LYPLAL1: variants seen among roughly 807,000 people sequenced by gnomAD.
LYPLAL1 encodes lysophospholipase-like protein 1.
A neutral mutation model predicts 19.7 loss-of-function variants in LYPLAL1; 23 were observed. The ratio of observed to expected loss-of-function variants is 1.17; its 90% CI spans 0.84 to 1.65. LYPLAL1 has a LOEUF of 1.65. Among genes scored for constraint, LYPLAL1 ranks in the 40% most tolerant of loss-of-function variants. The pLI, the probability that LYPLAL1 is intolerant of heterozygous loss-of-function variation, is 0.00. For missense variants in LYPLAL1, 355 were observed against 279.4 expected, an observed-to-expected ratio of 1.27 and a Z score of -1.93; for synonymous variants, 119 against 96.3, an observed-to-expected ratio of 1.24 and a Z score of -1.38.
At chr1:219,200,037 C>G (rs1018169540) in intron 3 of LYPLAL1, 8 of 231,670 alleles carry the variant, frequency 3.5e-5, no homozygotes, top group African/African-American at 1.8e-4. Context: ...ATCCCCACAC[C>G]ACCTAGTGAG....
chr1:219,241,195 C>G, the LYPLAL1 span, among the ~76,000 whole-genome samples: 12 of 129,044 alleles, frequency 9.3e-5, no homozygotes, highest in Non-Finnish European at 1.6e-4. Flanking sequence ...GTTGACATGG[C>G]CAGAAGGAAA....
the LYPLAL1 span, among the ~76,000 whole-genome samples, chr1:219,306,821 TAG>T: frequency 0.024 from 2,407 of 102,196 alleles, 94 homozygotes; most frequent in East Asian, 0.11. Flanking sequence ...TATAGATAGA[TAG>T]ATAGATAGAT....
chr1:219,209,787 T>A (rs1488497365), intron 3 of LYPLAL1, among the ~76,000 whole-genome samples: 3 of 152,222 alleles, frequency 2.0e-5, no homozygotes, highest in Admixed American at 6.5e-5. Context: ...AACAGCTATC[T>A]CCATATTCTG....
chr1:219,314,659 C>T, the LYPLAL1 span, among the ~76,000 whole-genome samples: 3 of 152,074 alleles, frequency 2.0e-5, no homozygotes, highest in African/African-American at 4.8e-5. Context: ...GTCTCGATCT[C>T]CTGACTTCGT....
chr1:219,398,489 G>A, the LYPLAL1 span, among the ~76,000 whole-genome samples: 1 of 152,108 alleles, frequency 6.6e-6, no homozygotes, highest in Admixed American at 6.6e-5. Context: ...CTTGGGTTGG[G>A]TTTCAATGTA....
the LYPLAL1 span, among the ~76,000 whole-genome samples, chr1:219,354,136 A>T: frequency 0.067 from 10,276 of 152,270 alleles, 492 homozygotes; most frequent in South Asian, 0.12. Context: ...CAAGTCTATC[A>T]TACAGTCTCA....
At chr1:219,231,102 A>G in the LYPLAL1 span, among the ~76,000 whole-genome samples, 1 of 152,264 alleles carries the variant, frequency 6.6e-6, no homozygotes, top group Non-Finnish European at 1.5e-5. Flanking sequence ...TGTTACTTTT[A>G]AATTAGTCCT....
the LYPLAL1 span, among the ~76,000 whole-genome samples, chr1:219,232,975 T>A: frequency 6.6e-6 from 1 of 152,164 alleles, no homozygotes; most frequent in Non-Finnish European, 1.5e-5. Flanking sequence ...GAAAACAATA[T>A]TCCAGTTCCT....
the LYPLAL1 span, among the ~76,000 whole-genome samples, chr1:219,431,469 C>A: frequency 6.6e-6 from 1 of 152,136 alleles, no homozygotes; most frequent in African/African-American, 2.4e-5. Flanking sequence ...CTGGACAACC[C>A]CTTGTTGAGG....
At chr1:219,322,936 AC>A in the LYPLAL1 span, among the ~76,000 whole-genome samples, 2 of 152,182 alleles carry the variant, frequency 1.3e-5, no homozygotes, top group African/African-American at 2.4e-5. Context: ...CTTTGTTTCT[AC>A]ATGTTGAAAT....
chr1:219,262,630 C>T, the LYPLAL1 span, among the ~76,000 whole-genome samples: 5 of 152,272 alleles, frequency 3.3e-5, no homozygotes, highest in Admixed American at 3.3e-4. Context: ...CCCAGTGGGG[C>T]TACCAGGCTC....
the LYPLAL1 span, among the ~76,000 whole-genome samples, chr1:219,292,205 AC>A: frequency 6.6e-6 from 1 of 151,308 alleles, no homozygotes; most frequent in Admixed American, 6.6e-5. Context: ...CTCCCTGCTG[AC>A]CCCCTTCACC....
the LYPLAL1 span, among the ~76,000 whole-genome samples, chr1:219,280,803 T>A: frequency 6.6e-6 from 1 of 152,120 alleles, no homozygotes; most frequent in East Asian, 1.9e-4. Context: ...ATTCCAACAC[T>A]TTGGGAGGCC....
At chr1:219,268,746 T>A in the LYPLAL1 span, among the ~76,000 whole-genome samples, 1 of 152,238 alleles carries the variant, frequency 6.6e-6, no homozygotes, top group Non-Finnish European at 1.5e-5. Flanking sequence ...CTCTTGTCAA[T>A]TTCACACAAA....
intron 2 of LYPLAL1, among the ~76,000 whole-genome samples, chr1:219,190,285 A>G (rs987778309): frequency 6.6e-6 from 1 of 151,568 alleles, no homozygotes; most frequent in African/African-American, 2.4e-5. Flanking sequence ...ATGCAGAACT[A>G]TAAAATATAT....
the LYPLAL1 span, among the ~76,000 whole-genome samples, chr1:219,399,876 A>T: frequency 1.3e-5 from 2 of 152,116 alleles, 1 homozygote; most frequent in South Asian, 4.1e-4. Context: ...GGGTTTGGCC[A>T]TCCCTAGCCA....
the LYPLAL1 span, among the ~76,000 whole-genome samples, chr1:219,402,463 C>T: frequency 6.6e-6 from 1 of 152,102 alleles, no homozygotes; most frequent in African/African-American, 2.4e-5. Flanking sequence ...GCATTTCCCC[C>T]TAAGATAAGC....
At chr1:219,367,138 TTAGTC>T in the LYPLAL1 span, among the ~76,000 whole-genome samples, 2 of 152,132 alleles carry the variant, frequency 1.3e-5, no homozygotes, top group African/African-American at 4.8e-5. Flanking sequence ...TATTTTCACA[TTAGTC>T]TAGTATATCA....
chr1:219,306,205 AC>A, the LYPLAL1 span, among the ~76,000 whole-genome samples: 3 of 152,248 alleles, frequency 2.0e-5, no homozygotes, highest in Non-Finnish European at 4.4e-5. Flanking sequence ...ATTGTCTTCA[AC>A]AAATGCATTG....
Sources: allele counts gnomAD v4.1 joint callset (sites outside exome capture counted in the v4.1 genomes callset), GRCh38; gene constraint gnomAD v4.1.1; transcripts MANE v1.5; gene names NCBI Gene and HGNC (gene_info 2026-07-23, HGNC 2026-07-21).